Variants in RSBN1 observed in about 807,000 individuals in gnomAD.
RSBN1 encodes round spermatid basic protein 1, also known as lysine-specific demethylase 9.
A neutral mutation model predicts 74.8 loss-of-function variants in RSBN1; 23 were observed. That is an observed-to-expected ratio of 0.31 (90% CI 0.22 to 0.44). The LOEUF (loss-of-function observed/expected upper bound fraction) is 0.44. Ranked by LOEUF, RSBN1 falls within the 20% of genes least tolerant of loss-of-function variation. RSBN1 has a pLI of 1.00. For missense variants in RSBN1, 808 were observed against 1,020.9 expected (o/e 0.79, Z 2.84); for synonymous variants, 407 against 379.6 (o/e 1.07, Z -0.84).
At position 113,812,144 on chromosome 1, in the gene RSBN1, C is replaced by A. The variant is rs776315071; in HGVS notation, c.269G>T (p.Arg90Leu). Residue 90 changes from arginine to leucine, a missense_variant, in exon 1 of 7, where the codon CGA (arginine) becomes CTA (leucine). Physicochemically the swap from Arg to Leu is moderately radical, Grantham distance 102. Around this residue, in one of 6 missense-constraint regions of RSBN1, gnomAD observed 464 missense variants for 401.0 expected, o/e 1.16. Transcript: ENST00000261441. ...VSPRGVKRQR[R>L]SSSGGSQEKR... is the part of the protein sequence containing the mutation. ...CTCCTGAGACCCCCCACTGCTAGATCGGCGCTGCCGTTTAACTCCCCGCGG... is the reference window on the plus strand; with the variant it reads ...CTCCTGAGACCCCCCACTGCTAGATAGGCGCTGCCGTTTAACTCCCCGCGG... 2.5e-6 allele frequency: 4 copies of A among 1,609,672 alleles called. No homozygotes were observed. The South Asian group carries it at 4.4e-5, about 18-fold the overall frequency.
rs1195069005 is a variant in RSBN1 at position 113,767,095 on chromosome 1, T to C, written c.1935+4A>G. ...GCAAATGGTGATAAAACATAAGTTA[T>C]TACCTGGGAAACTGGAGGTTCATGA... On this transcript the variant is annotated splice_donor_region_variant and intron_variant, in intron 6 of 6. Transcript: ENST00000261441. The C allele has an allele frequency of 2.6e-6, 4 of 1,528,132 alleles. No homozygotes were observed. The highest frequency in any genetic ancestry group is 3.6e-6 in the Non-Finnish European group (4 of 1,107,504). 94.7% of individuals were successfully genotyped at this position (1,528,132 alleles called of 1,614,324 possible). A position where few individuals can be genotyped will look rare whatever the true frequency, so the allele number is the denominator to read the frequency against.
At chr1:113,790,728 T>A (rs1005572830) in intron 2 of RSBN1, among the ~76,000 whole-genome samples, 3 of 152,288 alleles carry the variant, frequency 2.0e-5, no homozygotes, top group Admixed American at 2.0e-4. Context: ...GCTCTGAAAT[T>A]CTAAAAAGAT....
rs757191712 is a variant in RSBN1, at chr1:113,797,685, G to A, written c.1055C>T (p.Thr352Ile). 6.2e-7 allele frequency: 1 copy of A among 1,614,074 alleles called. No individual in the cohort carries two copies. Among genetic ancestry groups the A allele is most frequent in the Non-Finnish European group, 8.5e-7 (1 of 1,179,988 alleles). ...EHSIRRNFLK[T>I]GTKFSNFIHE... ...AATAAAGTTGCTAAATTTAGTACCT[G>A]TTTTTAAGAAATTTCTACGAATAGA... The change falls in exon 2 of 7, where the codon ACA becomes ATA. Residue 352 changes from threonine to isoleucine, a missense_variant. Around this residue, in one of 6 missense-constraint regions of RSBN1, gnomAD observed 85 missense variants for 126.2 expected, o/e 0.67. Transcript: ENST00000261441.
At chr1:113,784,361 C>CTA (rs1660197482) in intron 2 of RSBN1, among the ~76,000 whole-genome samples, 1 of 152,122 alleles carries the variant, frequency 6.6e-6, no homozygotes, top group Non-Finnish European at 1.5e-5. Context: ...CACACCTAGG[C>CTA]TATATGACAT....
rs1050409560 is a variant in RSBN1, at chr1:113,761,832, T to C, written c.*4148A>G. On this transcript the variant is annotated 3_prime_UTR_variant, in exon 7 of 7. Coordinates refer to ENST00000261441, the MANE Select transcript of RSBN1 (RefSeq NM_018364.5). ...TATGCATTTTGTGATGAAACACCAG[T>C]AAAGGACAAATCAGACTTTTTTTAT... 1 of 152,102 alleles carries C rather than the reference T, an allele frequency of 6.6e-6. No individual in the cohort carries two copies. The highest frequency in any genetic ancestry group is 1.5e-5 in the Non-Finnish European group (1 of 67,932). 9.4% of individuals were successfully genotyped at this position (152,102 alleles called of 1,614,324 possible). A position where few individuals can be genotyped will look rare whatever the true frequency, so the allele number is the denominator to read the frequency against.
chr1:113,792,019 C>CTA, intron 2 of RSBN1, among the ~76,000 whole-genome samples: 1 of 152,206 alleles, frequency 6.6e-6, no homozygotes, highest in Non-Finnish European at 1.5e-5. Flanking sequence ...ACCGTAGACA[C>CTA]TAAAATTATA....
chr1:113,776,794 G>C (rs12044534), intron 4 of RSBN1, among the ~76,000 whole-genome samples: 34,064 of 136,250 alleles, frequency 0.25, 4,839 homozygotes, highest in East Asian at 0.62. Flanking sequence ...CTGGGCAACA[G>C]AGTGAGACCC....
chr1:113,784,090 G>A (rs1422937447), intron 2 of RSBN1, among the ~76,000 whole-genome samples: 1 of 152,160 alleles, frequency 6.6e-6, no homozygotes, highest in African/African-American at 2.4e-5. Context: ...ATACAAAATG[G>A]AGGAAGAATG....
intron 2 of RSBN1, among the ~76,000 whole-genome samples, chr1:113,794,155 C>T (rs564820301): frequency 2.0e-5 from 3 of 152,268 alleles, no homozygotes; most frequent in African/African-American, 4.8e-5. Flanking sequence ...CTCACCAAGA[C>T]TAGTTAAATC....
chr1:113,783,665 T>C (rs555896855), intron 2 of RSBN1, among the ~76,000 whole-genome samples: 33 of 152,286 alleles, frequency 2.2e-4, no homozygotes, highest in African/African-American at 7.7e-4. Flanking sequence ...ATATGCAATC[T>C]TCAGGGCATA....
rs570357627 is a variant in RSBN1, at chr1:113,775,026, CT to C, written c.1658+2183del. Among the ~76,000 whole-genome samples, 420 of 142,052 alleles carry C rather than the reference CT, an allele frequency of 3.0e-3. 1 individual carries two copies. The highest frequency in any genetic ancestry group is 5.3e-3 in the Admixed American group (75 of 14,196). The allele number at this position is 142,052 out of a possible 152,430, so 93.2% of individuals were successfully genotyped here. On this transcript the variant is annotated intron_variant, in intron 4 of 6. Transcript: ENST00000261441. Reference sequence around the variant, plus strand: ...GTTAATATGCCTAAATGGTGGCTACCTTTTTTTTTTTTTTGGAGATGAAGTC... The same window carrying C: ...GTTAATATGCCTAAATGGTGGCTACCTTTTTTTTTTTTTGGAGATGAAGTC...
intron 2 of RSBN1, among the ~76,000 whole-genome samples, chr1:113,792,890 T>G (rs1398293127): frequency 6.6e-6 from 1 of 152,102 alleles, no homozygotes; most frequent in Non-Finnish European, 1.5e-5. Flanking sequence ...TATCAACTGC[T>G]AAGAGTTAAG....
rs1377453905 is a variant in RSBN1 at position 113,797,434 on chromosome 1, T to C, written c.1306A>G (p.Thr436Ala). The change falls in exon 2 of 7, where the codon ACT becomes GCT. Residue 436 changes from threonine (T) to alanine (A), a missense_variant. Coordinates refer to ENST00000261441, the MANE Select transcript of RSBN1 (RefSeq NM_018364.5). The stretch of plus-strand genomic sequence containing the variant: ...CCCAGAATTTCCATTTTCACTGGAG[T>C]GTTGGGGAAATTAAAAGCAAAGTAG... ...LDYFAFNFPN[T>A]PVKMEILGKK... 6.2e-7 allele frequency: 1 copy of C among 1,613,734 alleles called. No individual in the cohort carries two copies. Among genetic ancestry groups the C allele is most frequent in the Non-Finnish European group, 8.5e-7 (1 of 1,179,928 alleles).
intron 2 of RSBN1, among the ~76,000 whole-genome samples, chr1:113,778,303 TTC>T (rs1451108590): frequency 5.4e-4 from 79 of 145,860 alleles, no homozygotes; most frequent in East Asian, 4.3e-3. Context: ...TTTTTTTTTT[TTC>T]CTTTTTTTTG....
At chr1:113,785,464 A>T (rs112472409) in intron 2 of RSBN1, among the ~76,000 whole-genome samples, 3 of 152,348 alleles carry the variant, frequency 2.0e-5, no homozygotes, top group Non-Finnish European at 4.4e-5. Context: ...AATCTTATGG[A>T]GTCAGCGTTA....
chr1:113,763,941 T>TA lies in RSBN1; in HGVS notation c.*2038dup, dbSNP rs912979546. The TA allele has an allele frequency of 3.0e-4, 44 of 148,714 alleles. No individual in the cohort carries two copies. Among genetic ancestry groups the TA allele is most frequent in the South Asian group, 1.1e-3 (5 of 4,708 alleles). 9.2% of individuals were successfully genotyped at this position (148,714 alleles called of 1,614,324 possible). A position where few individuals can be genotyped will look rare whatever the true frequency, so the allele number is the denominator to read the frequency against. On this transcript the variant is annotated 3_prime_UTR_variant, in exon 7 of 7. Transcript: ENST00000261441. ...CGGATCTTGGAAGACAAGAAAAAAT[T>TA]AAAAAAAAAAAATTTTTGCTTTAAC...
intron 2 of RSBN1, among the ~76,000 whole-genome samples, 175 bp from the exon 3 acceptor site, chr1:113,777,983 T>C (rs1660063200): frequency 6.6e-6 from 1 of 152,334 alleles, no homozygotes; most frequent in East Asian, 1.9e-4. Flanking sequence ...AATACACTAA[T>C]ACATATGCCA....
chr1:113,770,183 T>C (rs1239142827), intron 4 of RSBN1, among the ~76,000 whole-genome samples: 1 of 152,208 alleles, frequency 6.6e-6, no homozygotes, highest in East Asian at 1.9e-4. Context: ...TTCTGGGAAG[T>C]TTCCTAGCTC....
chr1:113,797,053 G>A (rs1660485904), intron 2 of RSBN1, among the ~76,000 whole-genome samples: 1 of 152,174 alleles, frequency 6.6e-6, no homozygotes, highest in Non-Finnish European at 1.5e-5. Flanking sequence ...GAGACTAACA[G>A]ATCTCAATCA....
Sources: gnomAD v4.1 joint callset for allele counts (sites outside exome capture counted in the v4.1 genomes callset) on GRCh38, gnomAD v4.1.1 for gene constraint, gnomAD v4.1.1 regional missense constraint, MANE v1.5 for transcripts, NCBI Gene and HGNC (gene_info 2026-07-23, HGNC 2026-07-21) for gene names.